The following LRRTM4 variants were observed in gnomAD, a reference collection of about 807,000 sequenced individuals.
LRRTM4 encodes leucine-rich repeat transmembrane neuronal protein 4.
LRRTM4 carries 25 observed loss-of-function variants against 47.6 expected under a neutral mutation model. The observed-to-expected ratio is 0.53, with a 90% CI of 0.38 to 0.73. LRRTM4 has a LOEUF of 0.73. LRRTM4 is among the 30% of genes least tolerant of loss of function. LRRTM4 has a pLI of 0.00. For synonymous variants in LRRTM4, 311 were observed against 269.5 expected (o/e 1.15, Z -1.51); for missense variants, 638 against 713.4 (o/e 0.89, Z 1.20).
At chr2:77,239,129 T>G in intron 3 of LRRTM4, among the ~76,000 whole-genome samples, 1 of 151,884 alleles carries the variant, frequency 6.6e-6, no homozygotes, top group East Asian at 1.9e-4. Context: ...TTGTAATCAC[T>G]CTAAATGTAA....
chr2:77,043,638 G>A (rs760976978), intron 3 of LRRTM4, among the ~76,000 whole-genome samples: 2 of 151,660 alleles, frequency 1.3e-5, no homozygotes, highest in Non-Finnish European at 2.9e-5. Context: ...GTATAATATG[G>A]GAACATTTAA....
intron 3 of LRRTM4, among the ~76,000 whole-genome samples, chr2:76,991,611 T>C (rs930565899): frequency 6.6e-6 from 1 of 151,626 alleles, no homozygotes; most frequent in Non-Finnish European, 1.5e-5. Flanking sequence ...CTTAGCAGAC[T>C]AATATTGAGT....
chr2:77,218,322 T>C (rs1156845278), intron 3 of LRRTM4, among the ~76,000 whole-genome samples: 2 of 152,154 alleles, frequency 1.3e-5, no homozygotes, highest in African/African-American at 2.4e-5. Context: ...CAAAAAAACC[T>C]AATTGTTCAA....
chr2:77,178,537 G>A (rs1294903661), intron 3 of LRRTM4, among the ~76,000 whole-genome samples: 1 of 152,076 alleles, frequency 6.6e-6, no homozygotes, highest in Non-Finnish European at 1.5e-5. Context: ...AGTGAGTCAA[G>A]ATCGCGCCAC....
At chr2:76,855,942 A>T (rs183195214) in intron 3 of LRRTM4, among the ~76,000 whole-genome samples, 2 of 152,300 alleles carry the variant, frequency 1.3e-5, no homozygotes, top group African/African-American at 4.8e-5. Context: ...TTTACAGAAA[A>T]ATTAGAAATA....
intron 3 of LRRTM4, among the ~76,000 whole-genome samples, chr2:77,061,302 T>C (rs1243456642): frequency 6.6e-6 from 1 of 152,224 alleles, no homozygotes; most frequent in Non-Finnish European, 1.5e-5. Flanking sequence ...ATGCCAGTAT[T>C]TCAAATTTTA....
At chr2:77,036,093 T>A (rs1294988734) in intron 3 of LRRTM4, among the ~76,000 whole-genome samples, 1 of 151,782 alleles carries the variant, frequency 6.6e-6, no homozygotes, top group Non-Finnish European at 1.5e-5. Context: ...CTTATGCATA[T>A]GCATGAGTAG....
chr2:77,203,918 T>A (rs1391076060), intron 3 of LRRTM4, among the ~76,000 whole-genome samples: 1 of 152,208 alleles, frequency 6.6e-6, no homozygotes, highest in East Asian at 1.9e-4. Context: ...GAGGTAAAGT[T>A]CATTTTCCTT....
intron 3 of LRRTM4, among the ~76,000 whole-genome samples, chr2:77,386,891 C>T (rs1302372972): frequency 6.6e-6 from 1 of 151,982 alleles, no homozygotes; most frequent in African/African-American, 2.4e-5. Context: ...CACCGTGGCA[C>T]ATGTATACCT....
At chr2:77,030,495 G>A (rs1678616156) in intron 3 of LRRTM4, among the ~76,000 whole-genome samples, 1 of 152,088 alleles carries the variant, frequency 6.6e-6, no homozygotes, top group African/African-American at 2.4e-5. Flanking sequence ...ACAATGTTTA[G>A]AATTTAAATC....
At chr2:77,440,761 C>T (rs1055769773) in intron 3 of LRRTM4, among the ~76,000 whole-genome samples, 17 of 152,172 alleles carry the variant, frequency 1.1e-4, no homozygotes, top group African/African-American at 4.1e-4. Context: ...TGTGCCTATA[C>T]AGACATTTCC....
At chr2:77,449,159 T>C (rs1676161580) in intron 3 of LRRTM4, among the ~76,000 whole-genome samples, 1 of 152,324 alleles carries the variant, frequency 6.6e-6, no homozygotes, top group East Asian at 1.9e-4. Flanking sequence ...TTAAGGAATC[T>C]GATTAGTTTA....
intron 3 of LRRTM4, among the ~76,000 whole-genome samples, chr2:77,169,658 C>T (rs1175365000): frequency 6.6e-6 from 1 of 152,060 alleles, no homozygotes; most frequent in Non-Finnish European, 1.5e-5. Context: ...ACTTGCCTGC[C>T]CTTTTTCCTT....
At chr2:76,775,174 AGGCATTTATTGTTTTGGGCTTGAT>A (rs1673909743) in intron 3 of LRRTM4, among the ~76,000 whole-genome samples, 1 of 152,190 alleles carries the variant, frequency 6.6e-6, no homozygotes, top group South Asian at 2.1e-4. Flanking sequence ...TTCTTCCAGC[AGGCATTTATTGTTTTGGGCTTGAT>A]GGCTTTTGCA....
intron 3 of LRRTM4, among the ~76,000 whole-genome samples, chr2:77,318,462 C>T (rs1222606367): frequency 6.6e-6 from 1 of 152,160 alleles, no homozygotes; most frequent in Non-Finnish European, 1.5e-5. Context: ...AAAGCAAACT[C>T]AGACCCAAAA....
intron 3 of LRRTM4, among the ~76,000 whole-genome samples, chr2:77,466,516 G>T (rs955504634): frequency 6.6e-6 from 1 of 151,972 alleles, no homozygotes; most frequent in Admixed American, 6.6e-5. Context: ...GTTCATTTTT[G>T]AGACATCTAT....
chr2:76,989,984 AT>A lies in LRRTM4; in HGVS notation c.1552-241069del, dbSNP rs1445293989. On this transcript the variant is annotated intron_variant, in intron 3 of 3. Transcript: ENST00000409884. The stretch of plus-strand genomic sequence containing the variant: ...TAATCATATTATGTTTAAATATCTA[AT>A]AGGTTTCATAAAATTATGCTTCATT... 2.0e-5 allele frequency: 3 copies of A among 151,744 alleles called. No individual in the cohort carries two copies. The Admixed American group carries it at 2.0e-4, about 10-fold the overall frequency. 9.4% of individuals were successfully genotyped at this position (151,744 alleles called of 1,614,324 possible).
At chr2:77,313,688 G>A (rs541415257) in intron 3 of LRRTM4, among the ~76,000 whole-genome samples, 23 of 152,136 alleles carry the variant, frequency 1.5e-4, no homozygotes, top group African/African-American at 5.1e-4. Context: ...TCATCTGTGT[G>A]GTAATCCTGT....
chr2:76,806,147 A>G (rs895718370), intron 3 of LRRTM4, among the ~76,000 whole-genome samples: 2 of 152,194 alleles, frequency 1.3e-5, no homozygotes, highest in African/African-American at 4.8e-5. Context: ...TCAGTTTTCA[A>G]TGAGGTTGAT....
Sources: allele counts gnomAD v4.1 joint callset (sites outside exome capture counted in the v4.1 genomes callset), GRCh38; gene constraint gnomAD v4.1.1; transcripts MANE v1.5; gene names NCBI Gene and HGNC (gene_info 2026-07-23, HGNC 2026-07-21).